ENOX2: variants seen among roughly 807,000 people sequenced by gnomAD.
ENOX2 encodes APK1 antigen.
A neutral mutation model predicts 45.0 loss-of-function variants in ENOX2; 36 were observed. That is an observed-to-expected ratio of 0.80 (90% CI 0.61 to 1.06). ENOX2 has a LOEUF of 1.06. ENOX2 is among the 50% of genes least tolerant of loss of function. The probability of loss-of-function intolerance (pLI) is 0.00; values close to 1 mark genes in which losing one functional copy is unlikely to be tolerated. For synonymous variants in ENOX2, 174 were observed against 152.3 expected, an observed-to-expected ratio of 1.14 and a Z score of -1.05; for missense variants, 423 against 462.5, an observed-to-expected ratio of 0.91 and a Z score of 0.78.
intron 2 of ENOX2, among the ~76,000 whole-genome samples, chrX:130,793,034 TAAGTGTGCCACTTACA>T (rs1289853644): frequency 1.8e-5 from 2 of 112,337 alleles, no homozygotes; most frequent in Non-Finnish European, 3.8e-5. Context: ...TGCCACTTAC[TAAGTGTGCCACTTACA>T]AGGTGTATAA....
At position 130,653,346 on chromosome X, in the gene ENOX2, G is replaced by A. The variant is rs182729562; in HGVS notation, c.1129+3235C>T. ...TTCATGTTGCTTTCATCATATTAGC[G>A]CCACAGACAAGATGTGCTTATAGTG... is the stretch of plus-strand genomic sequence containing the variant. On this transcript the variant is annotated intron_variant, in intron 10 of 14. Coordinates refer to ENST00000394363, the MANE Select transcript of ENOX2 (RefSeq NM_006375.4). Among the ~76,000 whole-genome samples the A allele has an allele frequency of 2.5e-3, 281 of 111,633 alleles. 1 individual carries two copies. The highest frequency in any genetic ancestry group is 7.8e-3 in the African/African-American group (239 of 30,732).
chrX:130,792,497 TAAA>T (rs1261603731), intron 2 of ENOX2, among the ~76,000 whole-genome samples: 1 of 112,399 alleles, frequency 8.9e-6, no homozygotes, highest in East Asian at 2.8e-4. Context: ...TAAAATGGAA[TAAA>T]ATGAAAAGTT....
intron 3 of ENOX2, among the ~76,000 whole-genome samples, chrX:130,725,082 C>A: frequency 9.0e-6 from 1 of 111,717 alleles, no homozygotes. Flanking sequence ...TCCAAGTTAT[C>A]TCTTATACTA....
chrX:130,811,367 G>C (rs2077385874), intron 2 of ENOX2, among the ~76,000 whole-genome samples: 1 of 112,070 alleles, frequency 8.9e-6, no homozygotes, highest in South Asian at 3.7e-4. Context: ...TTAGGCTCCA[G>C]GTTTATTCAA....
intron 3 of ENOX2, among the ~76,000 whole-genome samples, chrX:130,763,862 GACC>G (rs201874996): frequency 0.016 from 1,757 of 110,868 alleles, 9 homozygotes; most frequent in Middle Eastern, 0.023. Context: ...GTAGGAGTAG[GACC>G]ACAATTTGTG....
At chrX:130,799,134 G>A (rs2077178186) in intron 2 of ENOX2, among the ~76,000 whole-genome samples, 1 of 111,197 alleles carries the variant, frequency 9.0e-6, no homozygotes, top group Non-Finnish European at 1.9e-5. Context: ...ATCTTGGTGG[G>A]TGCCATCTAA....
At chrX:130,805,019 G>A (rs1337033657) in intron 2 of ENOX2, among the ~76,000 whole-genome samples, 1 of 111,429 alleles carries the variant, frequency 9.0e-6, no homozygotes, top group East Asian at 2.8e-4. Context: ...GGGCCTGAGG[G>A]AGTTTGTCCC....
chrX:130,845,824 C>T (rs776384379), intron 2 of ENOX2, among the ~76,000 whole-genome samples: 1 of 112,061 alleles, frequency 8.9e-6, no homozygotes, highest in Admixed American at 9.4e-5. Flanking sequence ...AGTGGTTATG[C>T]TTCGGTAATG....
intron 2 of ENOX2, among the ~76,000 whole-genome samples, chrX:130,887,699 A>G (rs1174765495): frequency 8.9e-6 from 1 of 111,956 alleles, no homozygotes; most frequent in Non-Finnish European, 1.9e-5. Flanking sequence ...AATTAGCAGT[A>G]TGTTCATTGG....
rs143884251 is a variant in ENOX2, at chrX:130,826,364, A to T, written c.-182-42674T>A. Among the ~76,000 whole-genome samples the T allele has an allele frequency of 2.2e-4, 25 of 111,880 alleles. No homozygotes were observed. The East Asian group carries it at 6.2e-3, about 28-fold the overall frequency. ...AAGAGATAAGCATATGTAATTACAC[A>T]TTATAGTCGTTCACCATATGTATTG... On this transcript the variant is annotated intron_variant, in intron 2 of 14. Transcript: ENST00000394363.
intron 3 of ENOX2, among the ~76,000 whole-genome samples, chrX:130,755,147 T>A (rs953994358): frequency 9.1e-6 from 1 of 110,031 alleles, no homozygotes; most frequent in African/African-American, 3.3e-5. Flanking sequence ...AGTTTGGTAA[T>A]CCTATGATGT....
rs138851704 is a variant in ENOX2, at chrX:130,877,312, G to A, written c.-183+24372C>T. Among the ~76,000 whole-genome samples, 107 of 111,939 alleles carry A rather than the reference G, an allele frequency of 9.6e-4. 1 individual carries two copies. The East Asian group carries it at 0.025, about 26-fold the overall frequency. On this transcript the variant is annotated intron_variant, in intron 2 of 14. Transcript: ENST00000394363. ...GGATTGCTCTTTCCTTAGTCTGCAG[G>A]TTTAAGGGTAGCATTTCGTAAATGT...
chrX:130,862,125 C>T (rs1390050536), intron 2 of ENOX2, among the ~76,000 whole-genome samples: 1 of 111,536 alleles, frequency 9.0e-6, no homozygotes, highest in African/African-American at 3.3e-5. Context: ...ATTACAATGG[C>T]AATTACAAGG....
At chrX:130,758,068 TG>T (rs2039395698) in intron 3 of ENOX2, among the ~76,000 whole-genome samples, 1 of 112,313 alleles carries the variant, frequency 8.9e-6, no homozygotes, top group South Asian at 3.7e-4. Context: ...CCCAAAGTGC[TG>T]GGATTATAGG....
intron 2 of ENOX2, among the ~76,000 whole-genome samples, chrX:130,820,486 G>C (rs1379281304): frequency 1.8e-5 from 2 of 111,878 alleles, no homozygotes; most frequent in African/African-American, 6.5e-5. Flanking sequence ...AATAAATTCA[G>C]TATGTCCAAA....
chrX:130,728,822 A>G (rs1468264633), intron 3 of ENOX2, among the ~76,000 whole-genome samples: 2 of 111,614 alleles, frequency 1.8e-5, no homozygotes, highest in Non-Finnish European at 3.8e-5. Flanking sequence ...AAGAGAAAAG[A>G]GCATTTTCTT....
intron 2 of ENOX2, among the ~76,000 whole-genome samples, chrX:130,826,721 T>A (rs1423026287): frequency 2.7e-5 from 3 of 112,032 alleles, no homozygotes; most frequent in African/African-American, 9.7e-5. Context: ...TAGAGCTCAG[T>A]GAAGGAAGAA....
intron 3 of ENOX2, among the ~76,000 whole-genome samples, chrX:130,710,494 A>T (rs917452554): frequency 9.0e-6 from 1 of 111,519 alleles, no homozygotes; most frequent in Admixed American, 9.5e-5. Flanking sequence ...GTTGCTACTG[A>T]CATCTAGTAG....
chrX:130,691,938 G>A (rs1020076669), intron 4 of ENOX2, among the ~76,000 whole-genome samples: 2 of 113,039 alleles, frequency 1.8e-5, no homozygotes, highest in Non-Finnish European at 3.7e-5. Context: ...CTGCTGTTTC[G>A]TATAATTACA....
Sources: gnomAD v4.1 joint callset for allele counts (sites outside exome capture counted in the v4.1 genomes callset) on GRCh38, gnomAD v4.1.1 for gene constraint, MANE v1.5 for transcripts, NCBI Gene and HGNC (gene_info 2026-07-23, HGNC 2026-07-21) for gene names.